BANK1: variants seen among roughly 807,000 people sequenced by gnomAD.
The protein encoded by BANK1 is B cell scaffold protein with ankyrin repeats 1, also known as B-cell scaffold protein with ankyrin repeats.
BANK1 carries 95 observed loss-of-function variants against 94.5 expected under a neutral mutation model. The ratio of observed to expected loss-of-function variants is 1.00; its 90% CI spans 0.85 to 1.19. BANK1 has a LOEUF of 1.19. BANK1 is among the 50% of genes most tolerant of loss of function. The pLI, the probability that BANK1 is intolerant of heterozygous loss-of-function variation, is 0.00. For missense variants in BANK1, 987 were observed against 932.2 expected (o/e 1.06, Z -0.77); for synonymous variants, 334 against 308.4 (o/e 1.08, Z -0.87).
At chr4:101,988,216 G>A (rs564701280) in intron 7 of BANK1, among the ~76,000 whole-genome samples, 2 of 152,224 alleles carry the variant, frequency 1.3e-5, no homozygotes, top group Non-Finnish European at 2.9e-5. Context: ...CTCAAATCCC[G>A]TGGTATTGTT....
chr4:101,959,148 T>G (rs1029040647), intron 7 of BANK1, among the ~76,000 whole-genome samples: 2 of 151,734 alleles, frequency 1.3e-5, no homozygotes, highest in African/African-American at 4.8e-5. Context: ...GTTTTTGTTT[T>G]TTTTTTGAGA....
At chr4:102,049,046 G>T (rs1219405694) in intron 11 of BANK1, among the ~76,000 whole-genome samples, 1 of 152,124 alleles carries the variant, frequency 6.6e-6, no homozygotes, top group Non-Finnish European at 1.5e-5. Flanking sequence ...AACTGCATTT[G>T]CCAGTGTGTT....
intron 10 of BANK1, chr4:102,036,861 CGAT>C (rs1727529100): frequency 1.3e-5 from 2 of 152,126 alleles, no homozygotes; most frequent in South Asian, 2.1e-4. Flanking sequence ...GACGTAATGA[CGAT>C]GAAATTTTCC....
intron 7 of BANK1, among the ~76,000 whole-genome samples, chr4:101,954,850 C>T (rs2148916205): frequency 6.6e-6 from 1 of 152,240 alleles, no homozygotes; most frequent in East Asian, 1.9e-4. Flanking sequence ...TCTTTTACTG[C>T]TAGATGAGAC....
chr4:101,997,451 A>C (rs922861439), intron 7 of BANK1, among the ~76,000 whole-genome samples: 75 of 152,298 alleles, frequency 4.9e-4, no homozygotes, highest in African/African-American at 1.8e-3. Flanking sequence ...TCATAAAATG[A>C]GTTAGGGAGG....
intron 1 of BANK1, among the ~76,000 whole-genome samples, chr4:101,802,985 G>A (rs929946124): frequency 7.2e-5 from 11 of 152,120 alleles, no homozygotes; most frequent in African/African-American, 2.2e-4. Flanking sequence ...AAAAATTTCT[G>A]TGGTGAAATG....
intron 13 of BANK1, among the ~76,000 whole-genome samples, chr4:102,069,471 G>A (rs1439303106): frequency 6.6e-6 from 1 of 152,212 alleles, no homozygotes; most frequent in Non-Finnish European, 1.5e-5. Context: ...TGAGAAGACT[G>A]TTGGTTAGGA....
intron 6 of BANK1, among the ~76,000 whole-genome samples, chr4:101,907,236 A>C (rs1722486132): frequency 6.6e-6 from 1 of 152,190 alleles, no homozygotes; most frequent in Admixed American, 6.5e-5. Context: ...CCTGGGATGC[A>C]AGGCTGGTTC....
At chr4:101,924,746 T>A (rs1034386722) in intron 7 of BANK1, among the ~76,000 whole-genome samples, 1 of 151,784 alleles carries the variant, frequency 6.6e-6, no homozygotes, top group African/African-American at 2.4e-5. Context: ...TTCAACAAAA[T>A]AGAGGTTTTG....
chr4:101,791,660 A>G (rs900889368), intron 1 of BANK1, among the ~76,000 whole-genome samples: 1 of 152,242 alleles, frequency 6.6e-6, no homozygotes, highest in Non-Finnish European at 1.5e-5. Flanking sequence ...AGGTATTAAT[A>G]TTACTGGAGT....
intron 5 of BANK1, among the ~76,000 whole-genome samples, chr4:101,874,256 A>T (rs1014706751): frequency 7.2e-5 from 11 of 152,192 alleles, no homozygotes; most frequent in African/African-American, 2.7e-4. Flanking sequence ...GTTTTGAATT[A>T]GGAAAGGTAC....
chr4:101,885,913 A>G (rs773774281), intron 5 of BANK1, among the ~76,000 whole-genome samples: 1 of 152,336 alleles, frequency 6.6e-6, no homozygotes, highest in Non-Finnish European at 1.5e-5. Flanking sequence ...ACATTAATGT[A>G]CTGAATAGTG....
intron 6 of BANK1, among the ~76,000 whole-genome samples, chr4:101,909,108 G>A (rs1398540898): frequency 2.6e-5 from 4 of 152,052 alleles, no homozygotes; most frequent in South Asian, 4.2e-4. Flanking sequence ...ACATGCACAC[G>A]TATGCTTATT....
chr4:101,975,623 C>G (rs1055894621), intron 7 of BANK1, among the ~76,000 whole-genome samples: 3 of 152,138 alleles, frequency 2.0e-5, no homozygotes, highest in Admixed American at 1.3e-4. Flanking sequence ...ATTGCAAGGA[C>G]TAAATGAGTT....
At position 101,855,172 on chromosome 4, in the gene BANK1, A is replaced by G. The variant is rs757849879; in HGVS notation, c.607A>G (p.Thr203Ala). 6 of 1,613,056 alleles carry G rather than the reference A, an allele frequency of 3.7e-6. No homozygotes were observed. In the Middle Eastern group the frequency reaches 5.0e-4, roughly 133 times the overall value. ...NTIPLAVVLP[T>A]EIPCENPGEI... is the part of the protein sequence containing the mutation. ...CATACCACTAGCAGTGGTGCTTCCC[A>G]CTGAAATTCCATGTGAGGTCAGTAA... The change falls in exon 3 of 17, where the codon ACT (threonine) becomes GCT (alanine). Residue 203 changes from threonine to alanine, a missense_variant. Transcript: ENST00000322953.
At chr4:101,895,593 T>C (rs1457877552) in intron 6 of BANK1, among the ~76,000 whole-genome samples, 183 bp downstream of exon 6, 2 of 151,926 alleles carry the variant, frequency 1.3e-5, no homozygotes, top group Admixed American at 6.6e-5. Context: ...TTGGTAATTT[T>C]TTTTATCTCA....
rs1468073651 is a variant in BANK1 at position 101,839,935 on chromosome 4, TA to T, written c.469+9731del. Reference sequence around the variant, plus strand: ...TAGCTACTATATAATTTCAAATATTTAATTTTTTTTTTTTTTTTTTTTTTTT... The same window carrying T: ...TAGCTACTATATAATTTCAAATATTTATTTTTTTTTTTTTTTTTTTTTTTT... On this transcript the variant is annotated intron_variant, in intron 2 of 16. Transcript: ENST00000322953. Among the ~76,000 whole-genome samples, 150 of 121,452 alleles carry T rather than the reference TA, an allele frequency of 1.2e-3. 4 individuals are homozygous for T. Among genetic ancestry groups the T allele is most frequent in the African/African-American group, 4.8e-3 (139 of 28,804 alleles). The allele number at this position is 121,452 out of a possible 152,430, so 79.7% of individuals were successfully genotyped here. A position where few individuals can be genotyped will look rare whatever the true frequency, so the allele number is the denominator to read the frequency against.
intron 7 of BANK1, among the ~76,000 whole-genome samples, chr4:101,938,779 G>A (rs759715644): frequency 1.3e-5 from 2 of 151,568 alleles, no homozygotes; most frequent in Non-Finnish European, 3.0e-5. Flanking sequence ...TGCAGACTGT[G>A]AATATATGTT....
chr4:102,027,715 T>A (rs74438840), intron 9 of BANK1, among the ~76,000 whole-genome samples: 1,894 of 151,488 alleles, frequency 0.013, 41 homozygotes, highest in African/African-American at 0.038. Flanking sequence ...GGCATCAAAT[T>A]CCTCACAGTG....
Sources: allele counts gnomAD v4.1 joint callset (sites outside exome capture counted in the v4.1 genomes callset), GRCh38; gene constraint gnomAD v4.1.1; transcripts MANE v1.5; gene names NCBI Gene and HGNC (gene_info 2026-07-23, HGNC 2026-07-21).